The following THAP2 variants were observed in gnomAD, a reference collection of about 807,000 sequenced individuals.
The protein encoded by THAP2 is THAP domain containing 2.
A neutral mutation model predicts 18.8 loss-of-function variants in THAP2; 16 were observed. The ratio of observed to expected loss-of-function variants is 0.85; its 90% CI spans 0.58 to 1.29. The LOEUF (loss-of-function observed/expected upper bound fraction) is 1.29, where lower values mean the gene tolerates loss of function less well. Ranked by LOEUF, THAP2 falls within the 50% of genes most tolerant of loss-of-function variation. The pLI is 0.00. For synonymous variants in THAP2, 80 were observed against 89.2 expected (o/e 0.90, Z 0.58); for missense variants, 251 against 265.3 (o/e 0.95, Z 0.38).
At chr12:71,674,062 C>T in intron 1 of THAP2, 141 bp from the exon 2 acceptor site, 1 of 762,526 alleles carries the variant, frequency 1.3e-6, no homozygotes, top group Non-Finnish European at 1.9e-6. Flanking sequence ...GGTTTCTGTT[C>T]CAGTGTCTGG....
At chr12:71,664,752 C>T (rs1592609357) in intron 1 of THAP2, 172 bp downstream of exon 1, 1 of 794,626 alleles carries the variant, frequency 1.3e-6, no homozygotes, top group Non-Finnish European at 2.1e-6. Flanking sequence ...TCTCTGCTTT[C>T]GGGGAAGCTT....
chr12:71,670,986 G>A (rs1881427966), intron 1 of THAP2, among the ~76,000 whole-genome samples: 1 of 150,938 alleles, frequency 6.6e-6, no homozygotes, highest in Admixed American at 6.6e-5. Flanking sequence ...TATTGATTAC[G>A]TGGAAGTGGA....
At position 71,678,344 on chromosome 12, in the gene THAP2, T is replaced by C. The variant is rs1448300097; in HGVS notation, c.*1236T>C. On this transcript the variant is annotated 3_prime_UTR_variant, in exon 3 of 3. Transcript: ENST00000308086. The stretch of plus-strand genomic sequence containing the variant: ...AGCAACCATAGTGCATAAGGGAAAT[T>C]AAATGTTCCCTATAGAAATATGTGT... 1.3e-5 allele frequency: 2 copies of C among 152,608 alleles called. No individual in the cohort carries two copies. Among genetic ancestry groups the C allele is most frequent in the Non-Finnish European group, 2.9e-5 (2 of 68,022 alleles). The allele number at this position is 152,608 out of a possible 1,614,324, so 9.5% of individuals were successfully genotyped here. A position where few individuals can be genotyped will look rare whatever the true frequency, so the allele number is the denominator to read the frequency against.
At position 71,680,422 on chromosome 12, in the gene THAP2, A is replaced by G. The variant is rs1388341717; in HGVS notation, c.*3314A>G. 4.6e-5 allele frequency: 7 copies of G among 152,600 alleles called. No individual in the cohort carries two copies. Among genetic ancestry groups the G allele is most frequent in the African/African-American group, 1.7e-4 (7 of 41,434 alleles). The allele number at this position is 152,600 out of a possible 1,614,324, so 9.5% of individuals were successfully genotyped here. A position where few individuals can be genotyped will look rare whatever the true frequency, so the allele number is the denominator to read the frequency against. The stretch of plus-strand genomic sequence containing the variant: ...ATCTTCTCTAAGTAGACTTTATAAT[A>G]TTGTGTTTTATCTCATTTCTCAATA... On this transcript the variant is annotated 3_prime_UTR_variant, in exon 3 of 3. Coordinates refer to ENST00000308086, the MANE Select transcript of THAP2 (RefSeq NM_031435.4).
chr12:71,673,784 C>T (rs1374115264), intron 1 of THAP2, among the ~76,000 whole-genome samples: 5 of 152,082 alleles, frequency 3.3e-5, no homozygotes, highest in African/African-American at 1.2e-4. Flanking sequence ...CAGAATCTGC[C>T]TAGGCTTTCC....
intron 1 of THAP2, among the ~76,000 whole-genome samples, chr12:71,673,449 A>G (rs1451071245): frequency 6.6e-6 from 1 of 152,186 alleles, no homozygotes; most frequent in East Asian, 1.9e-4. Context: ...GAAATATGAA[A>G]GGAAAAACAT....
At chr12:71,676,577 A>C in intron 2 of THAP2, 112 bp from the exon 3 acceptor site, 1 of 1,135,704 alleles carries the variant, frequency 8.8e-7, no homozygotes, top group South Asian at 1.8e-5. Flanking sequence ...TAAAGTTTTA[A>C]AATTGACTTT....
In THAP2 at chr12:71,678,896, A is replaced by ATG. The variant is rs1881560396; in HGVS notation, c.*1790_*1791dup. On this transcript the variant is annotated 3_prime_UTR_variant, in exon 3 of 3. Transcript: ENST00000308086. ...ATTTTATCTTTATCTTAAGTATTAG[A>ATG]TGTAGTTCCTTGGAATTGTCATTAC... The ATG allele has an allele frequency of 6.6e-6, 1 of 152,178 alleles. No homozygotes were observed. Among genetic ancestry groups the ATG allele is most frequent in the Admixed American group, 6.5e-5 (1 of 15,282 alleles). 9.4% of individuals were successfully genotyped at this position (152,178 alleles called of 1,614,324 possible).
chr12:71,674,223 GAAGAA>G lies in THAP2; in HGVS notation c.98_102del (p.Lys33MetfsTer6). 6.3e-7 allele frequency: 1 copy of G among 1,595,008 alleles called. No individual in the cohort carries two copies. Among genetic ancestry groups the G allele is most frequent in the Non-Finnish European group, 8.5e-7 (1 of 1,172,092 alleles). Reference sequence around the variant, plus strand: ...TTAAGGTTTCCTTTGGATCCTAAAAGAAGAAAAGAATGGGTTCGCCTGGTTAGGCG... The same window carrying G: ...TTAAGGTTTCCTTTGGATCCTAAAAGAAGAATGGGTTCGCCTGGTTAGGCG... On this transcript the variant is annotated frameshift_variant, in exon 2 of 3. Coordinates refer to ENST00000308086, the MANE Select transcript of THAP2 (RefSeq NM_031435.4). LOFTEE classifies it high-confidence loss of function.
chr12:71,665,979 C>A (rs1881335640), intron 1 of THAP2, among the ~76,000 whole-genome samples: 1 of 152,132 alleles, frequency 6.6e-6, no homozygotes, highest in South Asian at 2.1e-4. Flanking sequence ...CTAAACTAAA[C>A]CCTTTACTCA....
chr12:71,672,687 A>C (rs1279740096), intron 1 of THAP2, among the ~76,000 whole-genome samples: 1 of 152,058 alleles, frequency 6.6e-6, no homozygotes, highest in Non-Finnish European at 1.5e-5. Flanking sequence ...ATGGCAGGCA[A>C]CAACAGCTGC....
chr12:71,671,618 G>C (rs1881440259), intron 1 of THAP2, among the ~76,000 whole-genome samples: 1 of 152,108 alleles, frequency 6.6e-6, no homozygotes, highest in African/African-American at 2.4e-5. Context: ...TATTGTTTTG[G>C]GCTTGGTTTC....
At chr12:71,664,911 C>T in intron 1 of THAP2, 1 of 702,344 alleles carries the variant, frequency 1.4e-6, no homozygotes, top group Non-Finnish European at 2.6e-6. Flanking sequence ...AGAAAGAGAT[C>T]TTCCCAATCA....
rs934868352 is a variant in THAP2 at position 71,680,115 on chromosome 12, C to T, written c.*3007C>T. The T allele has an allele frequency of 1.3e-5, 2 of 152,148 alleles. No homozygotes were observed. The highest frequency in any genetic ancestry group is 4.8e-5 in the African/African-American group (2 of 41,434). The allele number at this position is 152,148 out of a possible 1,614,324, so 9.4% of individuals were successfully genotyped here. A position where few individuals can be genotyped will look rare whatever the true frequency, so the allele number is the denominator to read the frequency against. ...TTGGTACTTATTTGTTCTCTTTTCC[C>T]TTACATTCTGTGTGGTAGGTGGTAT... On this transcript the variant is annotated 3_prime_UTR_variant, in exon 3 of 3. Transcript: ENST00000308086.
chr12:71,674,170 T>C (rs758829347), intron 1 of THAP2, 33 bp from the exon 2 acceptor site: 2 of 1,531,674 alleles, frequency 1.3e-6, no homozygotes, highest in Non-Finnish European at 1.8e-6. Context: ...ATTATGATAG[T>C]TGGAATTTGA....
At chr12:71,665,293 A>C in intron 1 of THAP2, 1 of 243,268 alleles carries the variant, frequency 4.1e-6, no homozygotes, top group Non-Finnish European at 8.1e-6. Flanking sequence ...GAAAAGACAC[A>C]TTAAAAAGTT....
chr12:71,676,751 T>G lies in THAP2; in HGVS notation c.330T>G (p.Asn110Lys). The change falls in exon 3 of 3, where the codon AAT becomes AAG. Residue 110 changes from asparagine to lysine, a missense_variant. Physicochemically the swap from Asn to Lys is moderately conservative, Grantham distance 94. Coordinates refer to ENST00000308086, the MANE Select transcript of THAP2 (RefSeq NM_031435.4). ...GTTGTTCTCCAGCTGGACCATCTAATTTAAAATCAAACATTAGTAGTCAGC... is the reference window on the plus strand; with the variant it reads ...GTTGTTCTCCAGCTGGACCATCTAAGTTAAAATCAAACATTAGTAGTCAGC... ...NNSCSPAGPS[N>K]LKSNISSQQV... 1 of 1,608,914 alleles carries G rather than the reference T, an allele frequency of 6.2e-7. No individual in the cohort carries two copies. The highest frequency in any genetic ancestry group is 8.5e-7 in the Non-Finnish European group (1 of 1,178,102).
At chr12:71,668,568 A>C (rs1881381828) in intron 1 of THAP2, among the ~76,000 whole-genome samples, 1 of 152,030 alleles carries the variant, frequency 6.6e-6, no homozygotes. Context: ...GACAGTGGCC[A>C]CTCTATTCTA....
chr12:71,676,743 C>A lies in THAP2; in HGVS notation c.322C>A (p.Pro108Thr), dbSNP rs1294771837. 6.2e-7 allele frequency: 1 copy of A among 1,606,168 alleles called. No individual in the cohort carries two copies. The highest frequency in any genetic ancestry group is 1.3e-5 in the African/African-American group (1 of 74,454). Residue 108 changes from proline (P) to threonine (T), a missense_variant, in exon 3 of 3, where the codon CCA (proline) becomes ACA (threonine). Transcript: ENST00000308086. ...KKNNSCSPAG[P>T]SNLKSNISSQ... ...AAACAACAGTTGTTCTCCAGCTGGACCATCTAATTTAAAATCAAACATTAG... is the reference window on the plus strand; with the variant it reads ...AAACAACAGTTGTTCTCCAGCTGGAACATCTAATTTAAAATCAAACATTAG...
Sources: gnomAD v4.1 joint callset for allele counts (sites outside exome capture counted in the v4.1 genomes callset) on GRCh38, gnomAD v4.1.1 for gene constraint, MANE v1.5 for transcripts, NCBI Gene and HGNC (gene_info 2026-07-23, HGNC 2026-07-21) for gene names.